HYAL4: variants seen among roughly 807,000 people sequenced by gnomAD.
The protein encoded by HYAL4 is hyaluronidase 4.
HYAL4 carries 37 observed loss-of-function variants against 35.2 expected under a neutral mutation model. That is an observed-to-expected ratio of 1.05 (90% CI 0.81 to 1.38). The LOEUF (loss-of-function observed/expected upper bound fraction) is 1.38. Ranked by LOEUF, HYAL4 falls within the 40% of genes most tolerant of loss-of-function variation. The probability of loss-of-function intolerance (pLI) is 0.00; values close to 1 mark genes in which losing one functional copy is unlikely to be tolerated. For missense variants in HYAL4, 572 were observed against 572.4 expected, an observed-to-expected ratio of 1.00 and a Z score of 0.01; for synonymous variants, 198 against 203.2, an observed-to-expected ratio of 0.97 and a Z score of 0.22.
intron 1 of HYAL4, among the ~76,000 whole-genome samples, chr7:123,846,559 A>C (rs1369864796): frequency 6.6e-6 from 1 of 152,058 alleles, no homozygotes; most frequent in African/African-American, 2.4e-5. Flanking sequence ...AACTTGCCCC[A>C]GACTACCAGC....
chr7:123,808,546 C>G, the HYAL4 span, among the ~76,000 whole-genome samples: 1 of 151,934 alleles, frequency 6.6e-6, no homozygotes, highest in African/African-American at 2.4e-5. Flanking sequence ...AAGCCTCATG[C>G]TCATTTTGGA....
chr7:123,799,057 T>G, the HYAL4 span, among the ~76,000 whole-genome samples: 7 of 152,286 alleles, frequency 4.6e-5, no homozygotes, highest in South Asian at 8.3e-4. Flanking sequence ...GGGGCAATCA[T>G]ACAAGCAGGG....
the HYAL4 span, chr7:123,819,566 G>C: frequency 6.6e-6 from 1 of 152,012 alleles, no homozygotes; most frequent in Non-Finnish European, 1.5e-5. Context: ...AAAAGTACAG[G>C]GTCTAACATT....
chr7:123,854,740 C>A lies in HYAL4; in HGVS notation c.-52+6582C>A, dbSNP rs376174439. ...GTTTTGTAGATGTCTATTAGGTCTA[C>A]TTGGTCCAGAGCTGAGTTTAAGTCC... On this transcript the variant is annotated intron_variant, in intron 2 of 4. Transcript: ENST00000223026. Among the ~76,000 whole-genome samples, 24 of 152,256 alleles carry A rather than the reference C, an allele frequency of 1.6e-4. No homozygotes were observed. In the East Asian group the frequency reaches 3.5e-3, roughly 22 times the overall value.
chr7:123,840,710 G>A (rs1806043366), upstream of HYAL4, among the ~76,000 whole-genome samples: 1 of 151,900 alleles, frequency 6.6e-6, no homozygotes, highest in Non-Finnish European at 1.5e-5. Context: ...CACATCCCTT[G>A]TAAATTGGAT....
chr7:123,777,956 A>C, the HYAL4 span, among the ~76,000 whole-genome samples: 1 of 151,640 alleles, frequency 6.6e-6, no homozygotes, highest in Non-Finnish European at 1.5e-5. Flanking sequence ...GGTTTTATTA[A>C]TTTATAATTG....
chr7:123,808,429 G>A, the HYAL4 span, among the ~76,000 whole-genome samples: 1 of 105,866 alleles, frequency 9.4e-6, no homozygotes, highest in Admixed American at 9.2e-5. Flanking sequence ...GTGTGTGTGT[G>A]TGTGTGTGTG....
intron 1 of HYAL4, among the ~76,000 whole-genome samples, chr7:123,838,003 G>C (rs1399190524): frequency 6.6e-6 from 1 of 152,120 alleles, no homozygotes; most frequent in East Asian, 1.9e-4. Context: ...CTTTATAGCA[G>C]CATGATTTAT....
upstream of HYAL4, among the ~76,000 whole-genome samples, chr7:123,841,928 C>A (rs1806079419): frequency 6.6e-6 from 1 of 151,988 alleles, no homozygotes; most frequent in South Asian, 2.1e-4. Flanking sequence ...TTTTGTTGAT[C>A]TTTTCAAAAA....
chr7:123,817,027 C>A, the HYAL4 span, among the ~76,000 whole-genome samples: 1 of 152,158 alleles, frequency 6.6e-6, no homozygotes, highest in African/African-American at 2.4e-5. Context: ...TTGCTGAAAC[C>A]TTCCTATAAC....
chr7:123,828,408 A>G (rs564598402), upstream of HYAL4, among the ~76,000 whole-genome samples: 90 of 143,670 alleles, frequency 6.3e-4, 1 homozygote, highest in South Asian at 0.02. Flanking sequence ...ACAAAATAAT[A>G]CTCCCTCTTG....
At position 123,877,074 on chromosome 7, in the gene HYAL4, C is replaced by T; in HGVS notation, c.1365C>T (p.Cys455=). 6.2e-7 allele frequency: 1 copy of T among 1,614,218 alleles called. No homozygotes were observed. Among genetic ancestry groups the T allele is most frequent in the Non-Finnish European group, 8.5e-7 (1 of 1,180,022 alleles). Residue 455 remains cysteine, a synonymous_variant, in exon 5 of 5, where the codon TGC becomes TGT. Coordinates refer to ENST00000223026, the MANE Select transcript of HYAL4 (RefSeq NM_012269.3). Reference sequence around the variant, plus strand: ...GAGAAATAAAGACGGCTGATGGCTGCTCTGGGGTTTCCCCTTCTCCTGGTT... The same window carrying T: ...GAGAAATAAAGACGGCTGATGGCTGTTCTGGGGTTTCCCCTTCTCCTGGTT... The part of the protein sequence containing the change: ...DCREIKTADG[C]SGVSPSPGSL...
chr7:123,873,517 A>T (rs1028201365), intron 3 of HYAL4, among the ~76,000 whole-genome samples: 8 of 152,344 alleles, frequency 5.3e-5, no homozygotes, highest in African/African-American at 1.9e-4. Flanking sequence ...TAAGTGCCCA[A>T]TGGCAAAATA....
chr7:123,829,435 C>T (rs1805848018), intron 1 of HYAL4, among the ~76,000 whole-genome samples: 1 of 151,992 alleles, frequency 6.6e-6, no homozygotes, highest in African/African-American at 2.4e-5. Flanking sequence ...TTTTCAACCT[C>T]AAGCCTCTCC....
chr7:123,837,467 A>G (rs1805983052), intron 1 of HYAL4, among the ~76,000 whole-genome samples: 1 of 152,184 alleles, frequency 6.6e-6, no homozygotes, highest in African/African-American at 2.4e-5. Flanking sequence ...TGAAACTCCA[A>G]CATGCAGCAT....
At chr7:123,851,443 C>A (rs1023504490) in intron 2 of HYAL4, among the ~76,000 whole-genome samples, 1 of 152,004 alleles carries the variant, frequency 6.6e-6, no homozygotes, top group African/African-American at 2.4e-5. Flanking sequence ...CTCCCTGTGT[C>A]CATGTGTTCT....
upstream of HYAL4, among the ~76,000 whole-genome samples, chr7:123,840,078 A>G (rs1806028941): frequency 6.6e-6 from 1 of 152,170 alleles, no homozygotes; most frequent in South Asian, 2.1e-4. Context: ...TATGGCTTGA[A>G]TGGTATTGCC....
the HYAL4 span, among the ~76,000 whole-genome samples, chr7:123,798,721 T>C: frequency 6.6e-5 from 10 of 152,230 alleles, no homozygotes; most frequent in African/African-American, 2.4e-4. Context: ...GATATAAGTG[T>C]GTCCTTTCCA....
chr7:123,873,466 A>G (rs975679359), intron 3 of HYAL4, among the ~76,000 whole-genome samples: 2 of 151,890 alleles, frequency 1.3e-5, no homozygotes, highest in African/African-American at 4.8e-5. Context: ...TTAGACAATA[A>G]AAGTGTCAGA....
Sources: allele counts gnomAD v4.1 joint callset (sites outside exome capture counted in the v4.1 genomes callset), GRCh38; gene constraint gnomAD v4.1.1; transcripts MANE v1.5; gene names NCBI Gene and HGNC (gene_info 2026-07-23, HGNC 2026-07-21).